Variants in CAST observed in about 807,000 individuals in gnomAD.
CAST encodes the protein calpastatin, also known as MIR583 host.
A neutral mutation model predicts 119.6 loss-of-function variants in CAST; 76 were observed. The ratio of observed to expected loss-of-function variants is 0.64; its 90% CI spans 0.53 to 0.77. CAST has a LOEUF of 0.77. Ranked by LOEUF, CAST falls within the 30% of genes least tolerant of loss-of-function variation. The pLI is 0.00. For synonymous variants in CAST, 319 were observed against 331.6 expected, an observed-to-expected ratio of 0.96 and a Z score of 0.41; for missense variants, 953 against 946.5, an observed-to-expected ratio of 1.01 and a Z score of -0.09.
At chr5:96,104,102 T>G in the CAST span, among the ~76,000 whole-genome samples, 1 of 152,140 alleles carries the variant, frequency 6.6e-6, no homozygotes, top group Admixed American at 6.5e-5. Context: ...TCTTGTAAAT[T>G]TGTTTGAGTT....
At chr5:96,430,706 A>G in the CAST span, among the ~76,000 whole-genome samples, 4 of 152,362 alleles carry the variant, frequency 2.6e-5, no homozygotes, top group Admixed American at 1.3e-4. Flanking sequence ...TATTATTCTA[A>G]TAAAATAATT....
chr5:96,695,041 C>T (rs1753117076), intron 2 of CAST, among the ~76,000 whole-genome samples: 1 of 152,142 alleles, frequency 6.6e-6, no homozygotes, highest in Non-Finnish European at 1.5e-5. Context: ...TAACGTAACC[C>T]CCTATTATGG....
At chr5:96,000,494 C>T in the CAST span, among the ~76,000 whole-genome samples, 2 of 152,140 alleles carry the variant, frequency 1.3e-5, no homozygotes, top group Non-Finnish European at 2.9e-5. Flanking sequence ...CATAAACTGA[C>T]ATCTGTCGGG....
the CAST span, among the ~76,000 whole-genome samples, chr5:96,046,242 T>C: frequency 4.6e-5 from 7 of 152,164 alleles, no homozygotes; most frequent in East Asian, 1.4e-3. Flanking sequence ...ACACATCCAA[T>C]AATATATATA....
At chr5:96,294,035 C>T in the CAST span, among the ~76,000 whole-genome samples, 1 of 152,198 alleles carries the variant, frequency 6.6e-6, no homozygotes, top group Admixed American at 6.5e-5. Flanking sequence ...GCTGGGATTA[C>T]AGGCATGAGC....
intron 2 of CAST, among the ~76,000 whole-genome samples, chr5:96,685,832 AG>A (rs1752017444): frequency 6.6e-6 from 1 of 152,256 alleles, no homozygotes; most frequent in Admixed American, 6.5e-5. Context: ...CAATCACTCC[AG>A]GTGATTCTTC....
chr5:96,546,778 A>G (rs913077309), intron 1 of CAST, among the ~76,000 whole-genome samples: 1 of 152,182 alleles, frequency 6.6e-6, no homozygotes, highest in Non-Finnish European at 1.5e-5. Context: ...CGAGTATTGT[A>G]CCTTTTTTTC....
chr5:96,397,804 T>A, the CAST span, among the ~76,000 whole-genome samples: 1 of 151,542 alleles, frequency 6.6e-6, no homozygotes, highest in Non-Finnish European at 1.5e-5. Context: ...AATTAGAGAG[T>A]CAAAAATCTA....
chr5:96,750,648 G>C lies in CAST; in HGVS notation c.1490G>C (p.Ser497Thr). 7 of 1,613,424 alleles carry C rather than the reference G, an allele frequency of 4.3e-6. No homozygotes were observed. Among genetic ancestry groups the C allele is most frequent in the Non-Finnish European group, 5.1e-6 (6 of 1,179,556 alleles). ...GCTGTGTGTCGGACCTCCATGTGTA[G>C]TATACAGTCAGCACCCCCTGAGCCG... ...SEAVCRTSMC[S>T]IQSAPPEPAT... Residue 497 changes from serine to threonine, a missense_variant, in exon 20 of 32, where the codon AGT becomes ACT. Transcript: ENST00000675179.
At chr5:96,445,326 G>T in the CAST span, among the ~76,000 whole-genome samples, 1 of 152,120 alleles carries the variant, frequency 6.6e-6, no homozygotes, top group Non-Finnish European at 1.5e-5. Flanking sequence ...CAGCTACTAC[G>T]CAGGCTGAGG....
At chr5:96,331,536 T>A in the CAST span, among the ~76,000 whole-genome samples, 55 of 152,370 alleles carry the variant, frequency 3.6e-4, no homozygotes, top group Middle Eastern at 3.4e-3. Context: ...AAACACCAAA[T>A]CATTCCTGTT....
chr5:96,661,746 G>C (rs1319254342), upstream of CAST, among the ~76,000 whole-genome samples: 6 of 152,232 alleles, frequency 3.9e-5, no homozygotes, highest in Admixed American at 3.9e-4. Flanking sequence ...ATTTGGGACT[G>C]TTCTCCGTTT....
chr5:96,494,746 G>C, the CAST span, among the ~76,000 whole-genome samples: 1 of 152,188 alleles, frequency 6.6e-6, no homozygotes, highest in Non-Finnish European at 1.5e-5. Flanking sequence ...CCACCAATCA[G>C]TGGGAATGAC....
intron 1 of CAST, among the ~76,000 whole-genome samples, chr5:96,615,482 G>T (rs1245122227): frequency 1.3e-5 from 2 of 152,202 alleles, no homozygotes; most frequent in Non-Finnish European, 2.9e-5. Flanking sequence ...CTATCAGATT[G>T]CTTTGCTAAT....
chr5:96,429,349 A>G, the CAST span: 2 of 1,210,166 alleles, frequency 1.7e-6, no homozygotes, highest in East Asian at 4.7e-5. Context: ...ATAAATATCC[A>G]CGTTCCCAAA....
At chr5:96,344,058 C>T in the CAST span, among the ~76,000 whole-genome samples, 1 of 152,184 alleles carries the variant, frequency 6.6e-6, no homozygotes, top group African/African-American at 2.4e-5. Context: ...TTTACACTTA[C>T]CCTTGTGACC....
At chr5:96,203,300 G>C in the CAST span, among the ~76,000 whole-genome samples, 1 of 151,872 alleles carries the variant, frequency 6.6e-6, no homozygotes, top group South Asian at 2.1e-4. Flanking sequence ...ATGGTGTAGA[G>C]ACTTTTAGCT....
At chr5:96,245,510 T>C in the CAST span, among the ~76,000 whole-genome samples, 3 of 151,848 alleles carry the variant, frequency 2.0e-5, no homozygotes, top group South Asian at 6.2e-4. Context: ...TGTTAAGCAA[T>C]AGAAGGGAAG....
chr5:96,506,718 T>C, the CAST span, among the ~76,000 whole-genome samples: 1 of 152,134 alleles, frequency 6.6e-6, no homozygotes, highest in East Asian at 1.9e-4. Flanking sequence ...CGAGAAAGTC[T>C]CTACTGAAGG....
Sources: gnomAD v4.1 joint callset for allele counts (sites outside exome capture counted in the v4.1 genomes callset) on GRCh38, gnomAD v4.1.1 for gene constraint, MANE v1.5 for transcripts, NCBI Gene and HGNC (gene_info 2026-07-23, HGNC 2026-07-21) for gene names.